Variants in ASPM observed in about 807,000 individuals in gnomAD.
The protein encoded by ASPM is assembly factor for spindle microtubules.
A neutral mutation model predicts 366.4 loss-of-function variants in ASPM; 256 were observed. That is an observed-to-expected ratio of 0.70 (90% CI 0.63 to 0.77). ASPM has a LOEUF of 0.77. ASPM is among the 30% of genes least tolerant of loss of function. ASPM has a pLI of 0.00. For missense variants in ASPM, 4,146 were observed against 4,090.4 expected (o/e 1.01, Z -0.37); for synonymous variants, 1,414 against 1,342.9 (o/e 1.05, Z -1.16).
chr1:197,097,012 G>A (rs1429577474), intron 18 of ASPM, among the ~76,000 whole-genome samples: 1 of 151,752 alleles, frequency 6.6e-6, no homozygotes, highest in East Asian at 1.9e-4. Flanking sequence ...CCTACAGGAA[G>A]AGGAATTAAA....
chr1:197,144,231 A>C, intron 1 of ASPM, 131 bp from the exon 2 acceptor site: 1 of 630,984 alleles, frequency 1.6e-6, no homozygotes, highest in Non-Finnish European at 2.7e-6. Flanking sequence ...AACATTTAAT[A>C]AATCAAATAT....
Position 197,103,672 on chromosome 1 carries a change from G to A in ASPM, c.5579C>T (p.Ala1860Val), listed in dbSNP as rs77138363. The A allele has an allele frequency of 3.1e-3, 5,075 of 1,612,742 alleles. 99 individuals carry two copies. In the African/African-American group the frequency reaches 0.046, roughly 15 times the overall value. Residue 1860 changes from alanine to valine, a missense_variant, in exon 18 of 28, where the codon GCG (alanine) becomes GTG (valine). Transcript: ENST00000367409. ...SIIKIQRWYRAYKTLHDTRTH... is the reference protein window; with the variant it reads ...SIIKIQRWYRVYKTLHDTRTH... ...TCTTGTATCATGAAGAGTCTTGTAC[G>A]CCCTGTACCATCTCTGAATCTTTAT... is the stretch of plus-strand genomic sequence containing the variant.
Position 197,146,150 on chromosome 1 carries a change from G to T in ASPM, c.288C>A (p.Phe96Leu). The change falls in exon 1 of 28, where the codon TTC becomes TTA. Residue 96 changes from phenylalanine (F) to leucine (L), a missense_variant. By Grantham distance (22) the Phe-to-Leu change is conservative. Coordinates refer to ENST00000367409, the MANE Select transcript of ASPM (RefSeq NM_018136.5). ...DLGFSVSQRC[F>L]VLQPKEKIVI... ...TCCTCCTGAGACCTACCTGCAACAC[G>T]AAACAGCGCTGCGACACACTGAAGC... 2 of 1,614,054 alleles carry T rather than the reference G, an allele frequency of 1.2e-6. No homozygotes were observed. Among genetic ancestry groups the T allele is most frequent in the Non-Finnish European group, 1.7e-6 (2 of 1,179,998 alleles).
rs778617096 is a variant in ASPM at position 197,104,766 on chromosome 1, C to G, written c.4485G>C (p.Gln1495His). Residue 1495 changes from glutamine (Q) to histidine (H), a missense_variant, in exon 18 of 28, where the codon CAG becomes CAC. This residue lies in a region of ASPM where 3,624 missense variants were observed against 3,591.7 expected (regional missense o/e 1.01). Transcript: ENST00000367409. ...GGGCTTGAAAGCACCGAAATCTTTT[C>G]TGAATGATAACAACACAAGATCTAA... is the stretch of plus-strand genomic sequence containing the variant. Reference protein sequence around the residue: ...IYIRSCVVIIQKRFRCFQAQK... With the variant: ...IYIRSCVVIIHKRFRCFQAQK... 8.1e-6 allele frequency: 13 copies of G among 1,598,828 alleles called. No homozygotes were observed. In the Admixed American group the frequency reaches 2.3e-4, roughly 28 times the overall value.
At chr1:197,146,063 AC>A (rs1658766146) in intron 1 of ASPM, 77 bp downstream of exon 1, 8 of 1,571,330 alleles carry the variant, frequency 5.1e-6, no homozygotes, top group Admixed American at 1.7e-5. Flanking sequence ...CCAATCGTCA[AC>A]CTTCCTGAGG....
At chr1:197,105,401 T>C (rs1436844683) in intron 17 of ASPM, among the ~76,000 whole-genome samples, 3 of 152,008 alleles carry the variant, frequency 2.0e-5, no homozygotes, top group African/African-American at 4.8e-5. Context: ...AAATCTTCAT[T>C]ATATTTAAAT....
intron 7 of ASPM, among the ~76,000 whole-genome samples, chr1:197,131,262 G>A (rs927262681): frequency 4.6e-5 from 7 of 152,046 alleles, no homozygotes; most frequent in African/African-American, 1.2e-4. Context: ...GGAATAAACT[G>A]AAATAGTAAT....
In ASPM at chr1:197,090,934, AGCCCTATTTC is replaced by A; in HGVS notation, c.9542_9551del (p.Arg3181LeufsTer4). 6.2e-7 allele frequency: 1 copy of A among 1,613,502 alleles called. No individual in the cohort carries two copies. The highest frequency in any genetic ancestry group is 2.2e-5 in the East Asian group (1 of 44,834). ...GCACTGCTTTCTGTATTACTGATGC[AGCCCTATTTC>A]GCTGGCTCAGACATTCTTGACCTTC... is the stretch of plus-strand genomic sequence containing the variant. On this transcript the variant is annotated frameshift_variant, in exon 23 of 28. Coordinates refer to ENST00000367409, the MANE Select transcript of ASPM (RefSeq NM_018136.5). LOFTEE classifies it high-confidence loss of function.
intron 3 of ASPM, among the ~76,000 whole-genome samples, chr1:197,141,201 T>G (rs7516700): frequency 0.78 from 119,213 of 151,994 alleles, 50,002 homozygotes; most frequent in East Asian, 1. Context: ...AAAATGAAAA[T>G]AATAATATTT....
At chr1:197,107,250 G>T (rs1383233439) in intron 17 of ASPM, among the ~76,000 whole-genome samples, 1 of 152,006 alleles carries the variant, frequency 6.6e-6, no homozygotes, top group Non-Finnish European at 1.5e-5. Context: ...TAGACTTTAA[G>T]AATTGAATAA....
chr1:197,127,462 A>T (rs1410996402), intron 10 of ASPM, among the ~76,000 whole-genome samples: 1 of 152,170 alleles, frequency 6.6e-6, no homozygotes, highest in Non-Finnish European at 1.5e-5. Context: ...ATACACAGAG[A>T]AAAAAACTTT....
rs189342878 is a variant in ASPM at position 197,146,225 on chromosome 1, G to A, written c.213C>T (p.Asn71=). 6.2e-7 allele frequency: 1 copy of A among 1,614,138 alleles called. No individual in the cohort carries two copies. The highest frequency in any genetic ancestry group is 8.5e-7 in the Non-Finnish European group (1 of 1,180,020). Residue 71 remains asparagine (N), a synonymous_variant, in exon 1 of 28, where the codon AAC becomes AAT. Transcript: ENST00000367409. The part of the protein sequence containing the change: ...RTLSLALDNP[N]EEVAEVKISH... ...AGATCTTCACTTCTGCCACCTCCTC[G>A]TTAGGGTTGTCTAGGGCCAGAGACA...
chr1:197,087,535 ATAGT>A (rs1218232715), intron 26 of ASPM, among the ~76,000 whole-genome samples: 1 of 106,204 alleles, frequency 9.4e-6, no homozygotes, highest in East Asian at 2.0e-3. Context: ...AGGAATTATT[ATAGT>A]CAACATAGCA....
At chr1:197,086,671 C>A in intron 27 of ASPM, 132 bp downstream of exon 27, 1 of 801,426 alleles carries the variant, frequency 1.2e-6, no homozygotes, top group Non-Finnish European at 2.1e-6. Flanking sequence ...ATTTACCAAA[C>A]ATTCCATTCT....
Position 197,142,543 on chromosome 1 carries a change from G to A in ASPM, c.1709C>T (p.Ser570Leu), listed in dbSNP as rs1404116259. ...ATCGCTCTTTCTTTTCCGAGCAACT[G>A]AAGCTGTTGTCGAAGAGGGTGTTAC... is the stretch of plus-strand genomic sequence containing the variant. ...NEVTPSSTTA[S>L]VARKRKSDGS... is the part of the protein sequence containing the mutation. Residue 570 changes from serine (S) to leucine (L), a missense_variant, in exon 3 of 28, where the codon TCA becomes TTA. By Grantham distance (145) the Ser-to-Leu change is moderately radical (BLOSUM62 -2). This residue lies in a region of ASPM where 3,624 missense variants were observed against 3,591.7 expected (regional missense o/e 1.01). Transcript: ENST00000367409. 3.1e-6 allele frequency: 5 copies of A among 1,614,040 alleles called. No individual in the cohort carries two copies. The highest frequency in any genetic ancestry group is 1.7e-5 in the Admixed American group (1 of 60,032).
chr1:197,124,110 CT>C lies in ASPM; in HGVS notation c.3389del (p.Lys1130ArgfsTer18). The C allele has an allele frequency of 6.2e-7, 1 of 1,604,010 alleles. No individual in the cohort carries two copies. The highest frequency in any genetic ancestry group is 1.1e-5 in the South Asian group (1 of 90,114). On this transcript the variant is annotated frameshift_variant and splice_region_variant, in exon 13 of 28. Transcript: ENST00000367409. LOFTEE classifies it high-confidence loss of function. The stretch of plus-strand genomic sequence containing the variant: ...TAAAACAAAAAACAAAGAAACTTAC[CT>C]TTTTATTATAGAAGGCACAAACAGC... ...VNAVCAFYNKKVENFTVSFSD... is the reference protein window; with the variant it reads ...VNAVCAFYNKXVENFTVSFSD...
Position 197,105,184 on chromosome 1 carries a change from C to T in ASPM, c.4067G>A (p.Gly1356Glu), listed in dbSNP as rs751020979. ...TCTAGTGGAATATCTTCTCCAATAT[C>T]CCTGGAAAAGGTAAGAAAGGACACA... ...VQNKAASLIQ[G>E]YWRRYSTRQR... Residue 1356 changes from glycine (G) to glutamate (E), a missense_variant and splice_region_variant, in exon 18 of 28, where the codon GGA becomes GAA. Physicochemically the swap from Gly to Glu is moderately conservative, Grantham distance 98 (BLOSUM62 -2). Around this residue, in one of 3 missense-constraint regions of ASPM, gnomAD observed 3,624 missense variants for 3,591.7 expected, o/e 1.01. Transcript: ENST00000367409. 41 of 1,600,920 alleles carry T rather than the reference C, an allele frequency of 2.6e-5. No individual in the cohort carries two copies. The highest frequency in any genetic ancestry group is 3.5e-5 in the Non-Finnish European group (41 of 1,169,470).
At chr1:197,126,421 C>T (rs1658089990) in intron 10 of ASPM, among the ~76,000 whole-genome samples, 1 of 107,298 alleles carries the variant, frequency 9.3e-6, no homozygotes, top group Non-Finnish European at 1.7e-5. Flanking sequence ...GCCTGGGTGA[C>T]AGAGTGAGAC....
chr1:197,143,794 G>T lies in ASPM; in HGVS notation c.458C>A (p.Thr153Asn), dbSNP rs1462641944. Residue 153 changes from threonine to asparagine, a missense_variant, in exon 3 of 28, where the codon ACC becomes AAC. Coordinates refer to ENST00000367409, the MANE Select transcript of ASPM (RefSeq NM_018136.5). ...QKKKKRSLWD[T>N]IKKKKISAST... ...GGCTGAAATTTTCTTCTTTTTAATG[G>T]TATCCCAAAGACTCCTCTGCAAAAA... 3 of 1,611,832 alleles carry T rather than the reference G, an allele frequency of 1.9e-6. No homozygotes were observed. Among genetic ancestry groups the T allele is most frequent in the Non-Finnish European group, 2.5e-6 (3 of 1,179,398 alleles).
Sources: gnomAD v4.1 joint callset for allele counts (sites outside exome capture counted in the v4.1 genomes callset) on GRCh38, gnomAD v4.1.1 for gene constraint, gnomAD v4.1.1 regional missense constraint, MANE v1.5 for transcripts, NCBI Gene and HGNC (gene_info 2026-07-23, HGNC 2026-07-21) for gene names.